The following MTUS1 variants were observed in gnomAD, a reference collection of about 807,000 sequenced individuals.
MTUS1 encodes the protein microtubule associated scaffold protein 1, also known as microtubule-associated tumor suppressor 1.
A neutral mutation model predicts 120.8 loss-of-function variants in MTUS1; 109 were observed. The observed-to-expected ratio is 0.90, with a 90% confidence interval of 0.77 to 1.06. MTUS1 has a LOEUF of 1.06. MTUS1 is among the 50% of genes least tolerant of loss of function. The probability of loss-of-function intolerance (pLI) is 0.00; values close to 1 mark genes in which losing one functional copy is unlikely to be tolerated. For synonymous variants in MTUS1, 737 were observed against 550.5 expected (o/e 1.34, Z -4.74); for missense variants, 2,210 against 1,486.3 (o/e 1.49, Z -8.01).
intron 7 of MTUS1, among the ~76,000 whole-genome samples, chr8:17,682,241 C>A (rs183688919): frequency 3.3e-5 from 5 of 152,096 alleles, no homozygotes; most frequent in African/African-American, 1.2e-4. Flanking sequence ...ACAGGTTGGG[C>A]GCAGTGGCTC....
chr8:17,713,094 A>C, intron 6 of MTUS1, 120 bp downstream of exon 6: 4 of 818,000 alleles, frequency 4.9e-6, no homozygotes, highest in Non-Finnish European at 8.2e-6. Context: ...AGTTAGGTTT[A>C]CACCTCAAAT....
intron 1 of MTUS1, among the ~76,000 whole-genome samples, chr8:17,770,177 GATT>G (rs2049920330): frequency 6.6e-6 from 1 of 152,070 alleles, no homozygotes; most frequent in African/African-American, 2.4e-5. Flanking sequence ...CCCTGCATTT[GATT>G]ATTATCCTTT....
intron 8 of MTUS1, among the ~76,000 whole-genome samples, chr8:17,672,899 C>A (rs1367819543): frequency 6.6e-6 from 1 of 152,328 alleles, no homozygotes; most frequent in East Asian, 1.9e-4. Context: ...TGGGCCCCAA[C>A]TGCGGTTGCT....
At chr8:17,796,393 T>C (rs573102144) in intron 1 of MTUS1, among the ~76,000 whole-genome samples, 3 of 13,086 alleles carry the variant, frequency 2.3e-4, no homozygotes, top group Non-Finnish European at 5.4e-4. Flanking sequence ...TCAAGATTTA[T>C]ATGCAAATAC....
At chr8:17,657,595 A>T (rs1439053043) in intron 8 of MTUS1, among the ~76,000 whole-genome samples, 2 of 151,136 alleles carry the variant, frequency 1.3e-5, no homozygotes, top group Non-Finnish European at 2.9e-5. Flanking sequence ...GATGCAGGAG[A>T]ATCATTTGCA....
intron 4 of MTUS1, chr8:17,723,294 T>A (rs1389315914): frequency 3.7e-6 from 1 of 271,344 alleles, no homozygotes; most frequent in Non-Finnish European, 7.3e-6. Flanking sequence ...TTAGTCCTAT[T>A]ACACAAAATC....
At chr8:17,791,256 T>C (rs2131583606) in intron 1 of MTUS1, among the ~76,000 whole-genome samples, 1 of 152,334 alleles carries the variant, frequency 6.6e-6, no homozygotes, top group African/African-American at 2.4e-5. Context: ...ATGTGATCAG[T>C]TCTTAATATC....
intron 2 of MTUS1, among the ~76,000 whole-genome samples, chr8:17,745,466 A>G (rs559665149): frequency 6.6e-5 from 10 of 152,270 alleles, no homozygotes; most frequent in Non-Finnish European, 1.3e-4. Flanking sequence ...TTTTTTCTGA[A>G]TATTTTCAGT....
At chr8:17,689,238 A>G (rs1816466640) in intron 6 of MTUS1, among the ~76,000 whole-genome samples, 1 of 151,804 alleles carries the variant, frequency 6.6e-6, no homozygotes, top group South Asian at 2.1e-4. Flanking sequence ...ACAAACAAAA[A>G]ACCCCAAGCC....
At chr8:17,668,751 T>C (rs373697657) in intron 8 of MTUS1, among the ~76,000 whole-genome samples, 5 of 152,190 alleles carry the variant, frequency 3.3e-5, no homozygotes, top group Non-Finnish European at 5.9e-5. Flanking sequence ...CAGGGGCTTG[T>C]TGTACAGAAT....
At chr8:17,787,072 G>T (rs886851146) in intron 1 of MTUS1, among the ~76,000 whole-genome samples, 1 of 152,210 alleles carries the variant, frequency 6.6e-6, no homozygotes, top group Admixed American at 6.5e-5. Flanking sequence ...ATAAGGGCTG[G>T]TGAGAGAAAG....
At chr8:17,687,308 C>G (rs527840583) in intron 6 of MTUS1, among the ~76,000 whole-genome samples, 1 of 152,268 alleles carries the variant, frequency 6.6e-6, no homozygotes, top group South Asian at 2.1e-4. Flanking sequence ...ACTCTCAGCA[C>G]TCCTGGCTCA....
intron 8 of MTUS1, among the ~76,000 whole-genome samples, chr8:17,667,944 G>C (rs1811241481): frequency 2.0e-5 from 3 of 152,038 alleles, no homozygotes; most frequent in Admixed American, 2.0e-4. Flanking sequence ...AAAATCAACT[G>C]GTCTTTTTAC....
chr8:17,715,967 T>C (rs1186667191), intron 4 of MTUS1, 66 bp from the exon 5 acceptor site: 1 of 1,491,592 alleles, frequency 6.7e-7, no homozygotes. Flanking sequence ...TCCACATTTA[T>C]TCCTTTGTCC....
intron 6 of MTUS1, among the ~76,000 whole-genome samples, chr8:17,703,218 A>G (rs939875134): frequency 6.6e-6 from 1 of 152,182 alleles, no homozygotes; most frequent in African/African-American, 2.4e-5. Context: ...ACGTGCGAGT[A>G]GGAGAGATAT....
At chr8:17,713,853 C>A (rs1382287774) in intron 5 of MTUS1, among the ~76,000 whole-genome samples, 2 of 152,162 alleles carry the variant, frequency 1.3e-5, no homozygotes, top group Non-Finnish European at 2.9e-5. Context: ...CATGTTCTAT[C>A]TGAAATTTTA....
At chr8:17,745,128 A>C (rs1483511977) in intron 2 of MTUS1, among the ~76,000 whole-genome samples, 4 of 152,204 alleles carry the variant, frequency 2.6e-5, no homozygotes, top group Non-Finnish European at 4.4e-5. Context: ...ACAAAATTTT[A>C]ATCCAGATCA....
chr8:17,794,264 A>G (rs1329641689), intron 1 of MTUS1, among the ~76,000 whole-genome samples: 3 of 152,022 alleles, frequency 2.0e-5, no homozygotes, highest in Non-Finnish European at 4.4e-5. Flanking sequence ...GGAGGCGGAC[A>G]CTGCAGTGAG....
At chr8:17,736,537 G>A (rs59441384) in intron 3 of MTUS1, among the ~76,000 whole-genome samples, 1,580 of 152,118 alleles carry the variant, frequency 0.01, 31 homozygotes, top group African/African-American at 0.036. Flanking sequence ...TTGACCAACC[G>A]TTTAAAAATC....
Sources: gnomAD v4.1 joint callset for allele counts (sites outside exome capture counted in the v4.1 genomes callset) on GRCh38, gnomAD v4.1.1 for gene constraint, MANE v1.5 for transcripts, NCBI Gene and HGNC (gene_info 2026-07-23, HGNC 2026-07-21) for gene names.